Variants in NUDCD3 observed in about 807,000 individuals in gnomAD.
NUDCD3 encodes nudC domain-containing protein 3.
NUDCD3 carries 13 observed loss-of-function variants against 39.7 expected under a neutral mutation model. The observed-to-expected ratio is 0.33, with a 90% CI of 0.21 to 0.52. The LOEUF is 0.52. Among genes scored for constraint, NUDCD3 ranks in the 20% least tolerant of loss-of-function variants. NUDCD3 has a pLI of 0.96. For synonymous variants in NUDCD3, 175 were observed against 172.4 expected (o/e 1.02, Z -0.12); for missense variants, 453 against 458.1 (o/e 0.99, Z 0.10).
chr7:44,395,359 G>C (rs1798605019), intron 4 of NUDCD3, among the ~76,000 whole-genome samples: 1 of 152,200 alleles, frequency 6.6e-6, no homozygotes, highest in African/African-American at 2.4e-5. Context: ...TTTATGAGGA[G>C]ATGTGAGCCG....
intron 2 of NUDCD3, among the ~76,000 whole-genome samples, chr7:44,467,458 T>G (rs1800142774): frequency 6.6e-6 from 1 of 152,192 alleles, no homozygotes; most frequent in Non-Finnish European, 1.5e-5. Flanking sequence ...GAGGTTCCTC[T>G]GCATCAGCCA....
chr7:44,478,923 G>A, intron 2 of NUDCD3, among the ~76,000 whole-genome samples: 1 of 152,252 alleles, frequency 6.6e-6, no homozygotes, highest in East Asian at 1.9e-4. Context: ...CCCAAGATGG[G>A]GTAATTTATA....
chr7:44,415,481 G>C (rs1799002318), intron 3 of NUDCD3, among the ~76,000 whole-genome samples: 1 of 152,188 alleles, frequency 6.6e-6, no homozygotes, highest in African/African-American at 2.4e-5. Flanking sequence ...AGATTCACTA[G>C]CAAGATGATT....
chr7:44,434,755 G>T (rs1382755408), intron 2 of NUDCD3, among the ~76,000 whole-genome samples: 1 of 152,186 alleles, frequency 6.6e-6, no homozygotes, highest in Non-Finnish European at 1.5e-5. Context: ...TGTCCGTGGT[G>T]TCCAACCTGA....
intron 2 of NUDCD3, among the ~76,000 whole-genome samples, chr7:44,434,637 A>C (rs1161339030): frequency 6.6e-6 from 1 of 152,220 alleles, no homozygotes; most frequent in African/African-American, 2.4e-5. Context: ...ATGCCAATGC[A>C]GCAAGCAGCC....
Position 44,380,212 on chromosome 7 carries a change from A to AGGC in NUDCD3, c.*5796_*5798dup. On this transcript the variant is annotated 3_prime_UTR_variant, in exon 6 of 6. Transcript: ENST00000355451. ...CTAACAGGTGACCACTGTCCAGACA[A>AGGC]GGCCTATTCTACCTCCTTGCCTGGC... is the stretch of plus-strand genomic sequence containing the variant. The AGGC allele has an allele frequency of 6.6e-6, 1 of 152,300 alleles. No individual in the cohort carries two copies. Among genetic ancestry groups the AGGC allele is most frequent in the South Asian group, 2.1e-4 (1 of 4,834 alleles). The allele number at this position is 152,300 out of a possible 1,614,324, so 9.4% of individuals were successfully genotyped here. A position where few individuals can be genotyped will look rare whatever the true frequency, so the allele number is the denominator to read the frequency against.
intron 2 of NUDCD3, among the ~76,000 whole-genome samples, chr7:44,428,374 T>G (rs1340502142): frequency 6.6e-6 from 1 of 151,644 alleles, no homozygotes; most frequent in East Asian, 1.9e-4. Context: ...AGGCGGAGGT[T>G]GCAGGTTGCA....
intron 2 of NUDCD3, among the ~76,000 whole-genome samples, chr7:44,477,392 T>C (rs1434343631): frequency 3.3e-5 from 5 of 152,246 alleles, no homozygotes; most frequent in African/African-American, 9.6e-5. Context: ...CATATTTTCC[T>C]TCTTCTCTGT....
intron 4 of NUDCD3, among the ~76,000 whole-genome samples, chr7:44,392,697 G>A (rs1005454443): frequency 3.3e-5 from 5 of 152,174 alleles, no homozygotes; most frequent in Admixed American, 3.3e-4. Context: ...ACATATCCCA[G>A]GGAAGAGCTA....
intron 3 of NUDCD3, among the ~76,000 whole-genome samples, chr7:44,412,857 G>A (rs1798953884): frequency 6.6e-6 from 1 of 150,916 alleles, no homozygotes; most frequent in Non-Finnish European, 1.5e-5. Flanking sequence ...AACCCAGGGG[G>A]CGGAGCTTGC....
chr7:44,392,630 T>A (rs940506775), intron 4 of NUDCD3, 145 bp from the exon 5 acceptor site: 7 of 668,824 alleles, frequency 1.0e-5, no homozygotes, highest in Non-Finnish European at 1.8e-5. Flanking sequence ...CAAGAGGGGG[T>A]GCCAGAACCC....
chr7:44,403,412 T>A (rs927820877), intron 4 of NUDCD3, among the ~76,000 whole-genome samples: 1 of 152,258 alleles, frequency 6.6e-6, no homozygotes, highest in African/African-American at 2.4e-5. Flanking sequence ...GAGCATGTTG[T>A]CTGTGCCCAG....
At chr7:44,414,308 A>G (rs1798981762) in intron 3 of NUDCD3, among the ~76,000 whole-genome samples, 1 of 152,156 alleles carries the variant, frequency 6.6e-6, no homozygotes, top group Non-Finnish European at 1.5e-5. Context: ...GGGGCACTTG[A>G]GCCAGATGAC....
chr7:44,456,047 AAAACAAAAAAAC>A (rs1799891913), intron 2 of NUDCD3, among the ~76,000 whole-genome samples: 3 of 132,730 alleles, frequency 2.3e-5, no homozygotes, highest in African/African-American at 8.3e-5. Context: ...AAAAAAAAAA[AAAACAAAAAAAC>A]AAACAACAAT....
chr7:44,442,618 T>C (rs1327421960), intron 2 of NUDCD3, among the ~76,000 whole-genome samples: 1 of 152,140 alleles, frequency 6.6e-6, no homozygotes, highest in East Asian at 1.9e-4. Flanking sequence ...ATTGAATTAC[T>C]TTCCTCTTAC....
intron 2 of NUDCD3, among the ~76,000 whole-genome samples, chr7:44,448,040 G>A (rs373724448): frequency 7.2e-4 from 109 of 152,276 alleles, no homozygotes; most frequent in African/African-American, 2.5e-3. Context: ...CTGTCAGGCC[G>A]CCGCCTGCAC....
intron 4 of NUDCD3, among the ~76,000 whole-genome samples, chr7:44,402,262 C>A (rs1798740593): frequency 6.6e-6 from 1 of 152,216 alleles, no homozygotes; most frequent in Admixed American, 6.5e-5. Context: ...TCACAAAGAG[C>A]CTGGCCCAAA....
At chr7:44,486,040 A>C (rs1434986385) in intron 1 of NUDCD3, among the ~76,000 whole-genome samples, 1 of 152,238 alleles carries the variant, frequency 6.6e-6, no homozygotes, top group Non-Finnish European at 1.5e-5. Flanking sequence ...CTGGCGAAAG[A>C]AATCTAGGGA....
rs191510339 is a variant in NUDCD3 at position 44,455,941 on chromosome 7, G to T, written c.510-28238C>A. 3.5e-3 allele frequency among the ~76,000 whole-genome samples: 517 copies of T among 146,182 alleles called. 4 individuals carry two copies. The highest frequency in any genetic ancestry group is 0.012 in the African/African-American group (490 of 39,554). ...CTTGGGAGGCTGAGGCAGGAGAATG[G>T]CGTGAACCCGGGAGGCGGAGCTTGC... On this transcript the variant is annotated intron_variant, in intron 2 of 5. Coordinates refer to ENST00000355451, the MANE Select transcript of NUDCD3 (RefSeq NM_015332.4).
Sources: allele counts gnomAD v4.1 joint callset (sites outside exome capture counted in the v4.1 genomes callset), GRCh38; gene constraint gnomAD v4.1.1; transcripts MANE v1.5; gene names NCBI Gene and HGNC (gene_info 2026-07-23, HGNC 2026-07-21).